Variants in RANBP3L observed in about 807,000 individuals in gnomAD.
RANBP3L encodes ran-binding protein 3-like.
RANBP3L carries 56 observed loss-of-function variants against 67.2 expected under a neutral mutation model. That is an observed-to-expected ratio of 0.83 (90% CI 0.67 to 1.04). The LOEUF is 1.04. Among genes scored for constraint, RANBP3L ranks in the 50% least tolerant of loss-of-function variants. The probability of loss-of-function intolerance (pLI) is 0.00; values close to 1 mark genes in which losing one functional copy is unlikely to be tolerated. For missense variants in RANBP3L, 496 were observed against 535.5 expected, an observed-to-expected ratio of 0.93 and a Z score of 0.73; for synonymous variants, 164 against 181.4, an observed-to-expected ratio of 0.90 and a Z score of 0.77.
intron 1 of RANBP3L, among the ~76,000 whole-genome samples, chr5:36,295,137 T>C (rs1234517124): frequency 3.9e-5 from 6 of 152,064 alleles, no homozygotes; most frequent in Non-Finnish European, 8.8e-5. Flanking sequence ...CTTAGGATTT[T>C]ATCCAGAAGT....
chr5:36,278,625 G>T (rs1480111688), intron 1 of RANBP3L, among the ~76,000 whole-genome samples: 2 of 152,202 alleles, frequency 1.3e-5, no homozygotes, highest in African/African-American at 4.8e-5. Flanking sequence ...TTCTGAGTAA[G>T]CTCACAATTA....
At chr5:36,273,868 T>G (rs1750396510) in intron 1 of RANBP3L, among the ~76,000 whole-genome samples, 1 of 152,198 alleles carries the variant, frequency 6.6e-6, no homozygotes, top group Non-Finnish European at 1.5e-5. Flanking sequence ...AAAGCTACCT[T>G]CTTATAAATT....
intron 4 of RANBP3L, among the ~76,000 whole-genome samples, chr5:36,267,149 T>G (rs1330472643): frequency 1.3e-5 from 2 of 152,194 alleles, no homozygotes; most frequent in Non-Finnish European, 2.9e-5. Context: ...TGAAAGTTAC[T>G]TGATATACTG....
chr5:36,299,324 CACAT>C (rs1752452806), intron 1 of RANBP3L, among the ~76,000 whole-genome samples: 1 of 142,478 alleles, frequency 7.0e-6, no homozygotes, highest in South Asian at 2.3e-4. Flanking sequence ...TATATATATA[CACAT>C]ACATATATGT....
chr5:36,267,584 A>G (rs1376045585), intron 4 of RANBP3L, among the ~76,000 whole-genome samples: 3 of 152,142 alleles, frequency 2.0e-5, no homozygotes, highest in Admixed American at 6.5e-5. Context: ...AAATGAAGTG[A>G]GTAGTTTGTA....
Position 36,265,581 on chromosome 5 carries a change from T to G in RANBP3L, c.269-61A>C, listed in dbSNP as rs539840791. The G allele has an allele frequency of 2.8e-5, 28 of 1,004,076 alleles. 1 individual carries two copies. Among genetic ancestry groups the G allele is most frequent in the Admixed American group, 8.1e-5 (4 of 49,430 alleles). The allele number at this position is 1,004,076 out of a possible 1,614,324, so 62.2% of individuals were successfully genotyped here. A position where few individuals can be genotyped will look rare whatever the true frequency, so the allele number is the denominator to read the frequency against. On this transcript the variant is annotated intron_variant, in intron 4 of 13. Coordinates refer to ENST00000296604, the MANE Select transcript of RANBP3L (RefSeq NM_145000.5). Reference sequence around the variant, plus strand: ...GAAGAGTGTCAGATTCTACACTATTTGGGGCTTAACAATCCCATTCCGAAC... The same window carrying G: ...GAAGAGTGTCAGATTCTACACTATTGGGGGCTTAACAATCCCATTCCGAAC...
chr5:36,297,350 G>A (rs1752294834), intron 1 of RANBP3L, among the ~76,000 whole-genome samples: 1 of 151,844 alleles, frequency 6.6e-6, no homozygotes, highest in Admixed American at 6.6e-5. Context: ...GCTGTCTCAA[G>A]GGTGGCAAAG....
In RANBP3L at chr5:36,296,762, T is replaced by G. The variant is rs184887098; in HGVS notation, c.91+4564A>C. On this transcript the variant is annotated intron_variant, in intron 1 of 13. Transcript: ENST00000296604. ...CGGTGAGGATGTTTTTGAATGAGGT[T>G]TACACTTAAACTAGTAGACTTTGAC... Among the ~76,000 whole-genome samples, 408 of 152,276 alleles carry G rather than the reference T, an allele frequency of 2.7e-3. 4 individuals carry two copies. The highest frequency in any genetic ancestry group is 8.4e-4 in the Non-Finnish European group (57 of 68,018).
chr5:36,270,961 A>G (rs972904377), intron 2 of RANBP3L, among the ~76,000 whole-genome samples: 3 of 152,248 alleles, frequency 2.0e-5, no homozygotes, highest in Non-Finnish European at 4.4e-5. Flanking sequence ...ATGAGGAGCT[A>G]TAGTCCTCCT....
At chr5:36,263,693 A>T (rs1749554404) in intron 6 of RANBP3L, among the ~76,000 whole-genome samples, 1 of 152,074 alleles carries the variant, frequency 6.6e-6, no homozygotes, top group South Asian at 2.1e-4. Flanking sequence ...TGCCCAGCTA[A>T]TTTTTGTATT....
At chr5:36,281,154 T>C (rs1391148664) in intron 1 of RANBP3L, among the ~76,000 whole-genome samples, 1 of 152,186 alleles carries the variant, frequency 6.6e-6, no homozygotes, top group Non-Finnish European at 1.5e-5. Context: ...CTCAAGTTAC[T>C]GTGTGAGCTG....
rs964637665 is a variant in RANBP3L at position 36,247,505 on chromosome 5, G to T, written c.*2149C>A. On this transcript the variant is annotated 3_prime_UTR_variant, in exon 14 of 14. Transcript: ENST00000296604. ...AGAAATCTAAAGAAAATCATAGAAT[G>T]AATTCAACTTAAAATGTTTCAAGCA... Among the ~76,000 whole-genome samples the T allele has an allele frequency of 6.6e-6, 1 of 152,192 alleles. No homozygotes were observed. Among genetic ancestry groups the T allele is most frequent in the Non-Finnish European group, 1.5e-5 (1 of 68,034 alleles).
In RANBP3L at chr5:36,247,933, A is replaced by C. The variant is rs183336130; in HGVS notation, c.*1721T>G. On this transcript the variant is annotated 3_prime_UTR_variant, in exon 14 of 14. Coordinates refer to ENST00000296604, the MANE Select transcript of RANBP3L (RefSeq NM_145000.5). ...AATGAAGTTATTTGTTCTCTTCTTC[A>C]CTTTAGCAATTTATAGTGCAATCAC... Among the ~76,000 whole-genome samples the C allele has an allele frequency of 6.6e-6, 1 of 152,146 alleles. No homozygotes were observed. Among genetic ancestry groups the C allele is most frequent in the Non-Finnish European group, 1.5e-5 (1 of 68,016 alleles).
intron 1 of RANBP3L, among the ~76,000 whole-genome samples, chr5:36,283,914 A>G (rs1169150109): frequency 6.6e-6 from 1 of 152,146 alleles, no homozygotes; most frequent in Non-Finnish European, 1.5e-5. Flanking sequence ...CTGCCACGAT[A>G]CAGGTCATAC....
At chr5:36,272,497 A>C (rs966802799) in intron 1 of RANBP3L, among the ~76,000 whole-genome samples, 3 of 152,168 alleles carry the variant, frequency 2.0e-5, no homozygotes, top group African/African-American at 7.2e-5. Flanking sequence ...GGGATTCCCC[A>C]TTTCTCCACA....
At chr5:36,289,883 A>G (rs1036755571) in intron 1 of RANBP3L, among the ~76,000 whole-genome samples, 1 of 151,452 alleles carries the variant, frequency 6.6e-6, no homozygotes, top group African/African-American at 2.4e-5. Context: ...TCTTTTTCTT[A>G]ACGTAATACA....
intron 6 of RANBP3L, among the ~76,000 whole-genome samples, chr5:36,264,278 C>T (rs925991970): frequency 6.6e-6 from 1 of 152,224 alleles, no homozygotes; most frequent in Non-Finnish European, 1.5e-5. Flanking sequence ...GATGGAATAA[C>T]TCTCAAATTC....
rs1370892271 is a variant in RANBP3L at position 36,257,063 on chromosome 5, A to C, written c.781T>G (p.Ser261Ala). 3 of 1,610,448 alleles carry C rather than the reference A, an allele frequency of 1.9e-6. No individual in the cohort carries two copies. The highest frequency in any genetic ancestry group is 2.2e-5 in the East Asian group (1 of 44,796). ...TCAATTAGGGAAGTATTTTTAATAG[A>C]GTCTGTTCCTAAGAGAAAATGGGGA... The part of the protein sequence containing the change: ...PVNFLSSRTD[S>A]IKNTSLIESA... The change falls in exon 10 of 14, where the codon TCT (serine) becomes GCT (alanine). Residue 261 changes from serine (S) to alanine (A), a missense_variant. Physicochemically the swap from Ser to Ala is moderately conservative, Grantham distance 99. Coordinates refer to ENST00000296604, the MANE Select transcript of RANBP3L (RefSeq NM_145000.5).
intron 1 of RANBP3L, among the ~76,000 whole-genome samples, chr5:36,287,773 T>C (rs1238805854): frequency 1.3e-5 from 2 of 152,182 alleles, no homozygotes; most frequent in Non-Finnish European, 2.9e-5. Flanking sequence ...AATAGAGAAG[T>C]TCTAAGCTTT....
Sources: allele counts gnomAD v4.1 joint callset (sites outside exome capture counted in the v4.1 genomes callset), GRCh38; gene constraint gnomAD v4.1.1; transcripts MANE v1.5; gene names NCBI Gene and HGNC (gene_info 2026-07-23, HGNC 2026-07-21).